Variants in RYR2 observed in about 807,000 individuals in gnomAD.
RYR2 encodes the protein ryanodine receptor 2, also known as cardiac muscle ryanodine receptor-calcium release channel.
Under a neutral mutation model 601.1 loss-of-function variants are expected in RYR2, and 227 were observed. That is an observed-to-expected ratio of 0.38 (90% CI 0.34 to 0.42). RYR2 has a LOEUF of 0.42. Among genes scored for constraint, RYR2 ranks in the 10% least tolerant of loss-of-function variants. The pLI is 1.00. For synonymous variants in RYR2, 2,223 were observed against 2,175.1 expected (o/e 1.02, Z -0.61); for missense variants, 4,646 against 6,156.5 (o/e 0.75, Z 8.21).
intron 10 of RYR2, among the ~76,000 whole-genome samples, chr1:237,396,382 T>C (rs1251463642): frequency 6.6e-6 from 1 of 152,192 alleles, no homozygotes; most frequent in African/African-American, 2.4e-5. Context: ...TTGATAACAG[T>C]GATTTAAAAC....
intron 12 of RYR2, among the ~76,000 whole-genome samples, chr1:237,436,244 A>G (rs915204710): frequency 6.7e-6 from 1 of 148,988 alleles, no homozygotes; most frequent in African/African-American, 2.5e-5. Context: ...TGTTCTATTC[A>G]TTGGTCCCAC....
At chr1:237,460,887 C>T (rs1659401442) in intron 16 of RYR2, among the ~76,000 whole-genome samples, 1 of 152,120 alleles carries the variant, frequency 6.6e-6, no homozygotes, top group Non-Finnish European at 1.5e-5. Flanking sequence ...TGTTGTTCTT[C>T]TTATCATTAT....
intron 1 of RYR2, among the ~76,000 whole-genome samples, chr1:237,197,464 ATCAT>A (rs1680695056): frequency 2.6e-5 from 4 of 152,182 alleles, no homozygotes; most frequent in African/African-American, 4.8e-5. Flanking sequence ...TAATTATGTA[ATCAT>A]GTAATATTCA....
At chr1:237,600,656 A>G (rs892720408) in intron 34 of RYR2, among the ~76,000 whole-genome samples, 3 of 152,196 alleles carry the variant, frequency 2.0e-5, no homozygotes, top group Non-Finnish European at 4.4e-5. Context: ...TAACAGAGTG[A>G]AAAGACAATC....
At chr1:237,754,659 G>C (rs1421375432) in intron 80 of RYR2, among the ~76,000 whole-genome samples, 1 of 152,164 alleles carries the variant, frequency 6.6e-6, no homozygotes, top group Non-Finnish European at 1.5e-5. Flanking sequence ...AGCTTTAAGC[G>C]AAAGTTCCAC....
At chr1:237,607,560 AAGTT>A in intron 35 of RYR2, among the ~76,000 whole-genome samples, 1 of 152,322 alleles carries the variant, frequency 6.6e-6, no homozygotes, top group Non-Finnish European at 1.5e-5. Flanking sequence ...TGTACCCTAG[AAGTT>A]AAAGTATAAT....
intron 1 of RYR2, among the ~76,000 whole-genome samples, chr1:237,057,973 T>A (rs577364721): frequency 6.6e-6 from 1 of 152,298 alleles, no homozygotes; most frequent in East Asian, 1.9e-4. Flanking sequence ...ATTAGAGCTC[T>A]ATAAAGCTTT....
chr1:237,051,321 C>T (rs1359505269), intron 1 of RYR2, among the ~76,000 whole-genome samples: 31 of 115,838 alleles, frequency 2.7e-4, no homozygotes, highest in African/African-American at 8.1e-4. Context: ...TATCTCTCTC[C>T]CTCCCCTCCC....
chr1:237,689,355 G>A (rs913557696), intron 63 of RYR2, among the ~76,000 whole-genome samples: 7 of 152,150 alleles, frequency 4.6e-5, no homozygotes, highest in Non-Finnish European at 7.3e-5. Flanking sequence ...GACATAGAAC[G>A]TTTCCAACAT....
intron 2 of RYR2, among the ~76,000 whole-genome samples, chr1:237,319,388 T>G (rs1695405059): frequency 1.3e-5 from 2 of 152,162 alleles, no homozygotes; most frequent in South Asian, 4.1e-4. Flanking sequence ...AATTTTTTGT[T>G]AAAACTGGAC....
At chr1:237,132,399 A>T (rs529985991) in intron 1 of RYR2, among the ~76,000 whole-genome samples, 1 of 152,352 alleles carries the variant, frequency 6.6e-6, no homozygotes, top group East Asian at 1.9e-4. Flanking sequence ...CCAGCAGCTT[A>T]GGTGCTCTTG....
At chr1:237,361,281 T>G (rs1699763744) in intron 4 of RYR2, among the ~76,000 whole-genome samples, 1 of 152,220 alleles carries the variant, frequency 6.6e-6, no homozygotes, top group South Asian at 2.1e-4. Flanking sequence ...TAATTAACTA[T>G]AGCTACCTAG....
chr1:237,767,047 TAA>T (rs2149298086), intron 84 of RYR2, among the ~76,000 whole-genome samples: 1 of 22,180 alleles, frequency 4.5e-5, no homozygotes, highest in South Asian at 7.5e-4. Context: ...AAAGCACTTT[TAA>T]TTGTTTGATC....
At chr1:237,565,157 CTCTTTCTT>C (rs771045857) in intron 27 of RYR2, among the ~76,000 whole-genome samples, 2,918 of 52,254 alleles carry the variant, frequency 0.056, 114 homozygotes, top group African/African-American at 0.1. Flanking sequence ...TTCTTTCTTT[CTCTTTCTT>C]TCTTTCTTTC....
chr1:237,219,031 T>C (rs945944553), intron 1 of RYR2, among the ~76,000 whole-genome samples: 24 of 150,184 alleles, frequency 1.6e-4, no homozygotes, highest in African/African-American at 5.9e-4. Context: ...TTTTTTTTTT[T>C]AGCTGGCGTC....
At chr1:237,455,522 G>C (rs1343359704) in intron 15 of RYR2, among the ~76,000 whole-genome samples, 1 of 151,934 alleles carries the variant, frequency 6.6e-6, no homozygotes, top group Non-Finnish European at 1.5e-5. Flanking sequence ...CCAGTGACAC[G>C]CAATATACCC....
chr1:237,473,382 C>G (rs1401324902), intron 17 of RYR2, among the ~76,000 whole-genome samples: 1 of 150,770 alleles, frequency 6.6e-6, no homozygotes, highest in African/African-American at 2.5e-5. Flanking sequence ...CGAGATTGCA[C>G]GACTGCACTC....
intron 81 of RYR2, among the ~76,000 whole-genome samples, chr1:237,757,170 T>C (rs576521648): frequency 5.9e-4 from 90 of 152,278 alleles, no homozygotes; most frequent in African/African-American, 1.9e-3. Flanking sequence ...AAATGAAATA[T>C]GTTACACTAA....
At chr1:237,822,250 A>G (rs1249697518) in intron 101 of RYR2, among the ~76,000 whole-genome samples, 1 of 152,196 alleles carries the variant, frequency 6.6e-6, no homozygotes, top group African/African-American at 2.4e-5. Context: ...GAAATGAAGG[A>G]AAAAATGTTA....
Sources: gnomAD v4.1 joint callset for allele counts (sites outside exome capture counted in the v4.1 genomes callset) on GRCh38, gnomAD v4.1.1 for gene constraint, MANE v1.5 for transcripts, NCBI Gene and HGNC (gene_info 2026-07-23, HGNC 2026-07-21) for gene names.